MPP4: variants seen among roughly 807,000 people sequenced by gnomAD.
The protein encoded by MPP4 is MAGUK p55 scaffold protein 4.
MPP4 carries 91 observed loss-of-function variants against 98.3 expected under a neutral mutation model. The observed-to-expected ratio is 0.93, with a 90% CI of 0.78 to 1.10. MPP4 has a LOEUF of 1.10. Among genes scored for constraint, MPP4 ranks in the 50% least tolerant of loss-of-function variants. MPP4 has a pLI of 0.00. For missense variants in MPP4, 744 were observed against 792.9 expected, an observed-to-expected ratio of 0.94 and a Z score of 0.74; for synonymous variants, 261 against 271.8, an observed-to-expected ratio of 0.96 and a Z score of 0.39.
At chr2:201,667,895 A>T (rs142168521) in intron 12 of MPP4, among the ~76,000 whole-genome samples, 1 of 152,314 alleles carries the variant, frequency 6.6e-6, no homozygotes, top group East Asian at 1.9e-4. Flanking sequence ...GACACAGATA[A>T]ACGAGTGGCA....
intron 10 of MPP4, among the ~76,000 whole-genome samples, chr2:201,677,299 G>GAGTCACT (rs1688532001): frequency 4.6e-5 from 7 of 152,070 alleles, no homozygotes; most frequent in Non-Finnish European, 5.9e-5. Context: ...CCAGCGAATG[G>GAGTCACT]GGCCTCTCAC....
chr2:201,664,391 C>G (rs1688109674), intron 13 of MPP4: 1 of 1,320,942 alleles, frequency 7.6e-7, no homozygotes, highest in Admixed American at 2.3e-5. Flanking sequence ...AAAAGCAGCT[C>G]AGAGGGAAGG....
In MPP4 at chr2:201,687,179, C is replaced by A; in HGVS notation, c.360+112G>T. ...CAATCTGTTGGTCAGTAACCGTGTA[C>A]AGTAATAGAACATCTATTCAGAGAG... On this transcript the variant is annotated intron_variant, in intron 5 of 21. Coordinates refer to ENST00000409474, the MANE Select transcript of MPP4 (RefSeq NM_033066.3). 3 of 867,996 alleles carry A rather than the reference C, an allele frequency of 3.5e-6. No homozygotes were observed. The East Asian group carries it at 8.0e-5, about 23-fold the overall frequency. 53.8% of individuals were successfully genotyped at this position (867,996 alleles called of 1,614,324 possible).
intron 11 of MPP4, among the ~76,000 whole-genome samples, chr2:201,672,949 A>G (rs900299816): frequency 1.3e-5 from 2 of 152,216 alleles, no homozygotes; most frequent in African/African-American, 2.4e-5. Flanking sequence ...CGTGATGAAC[A>G]TCGATGGGAA....
chr2:201,680,327 C>G (rs1688629114), intron 10 of MPP4: 1 of 149,324 alleles, frequency 6.7e-6, no homozygotes. Flanking sequence ...AGTCCAAGAT[C>G]AAGGAGCCAG....
chr2:201,666,368 A>T lies in MPP4; in HGVS notation c.1017T>A (p.Asp339Glu). 3 of 1,552,514 alleles carry T rather than the reference A, an allele frequency of 1.9e-6. No individual in the cohort carries two copies. Among genetic ancestry groups the T allele is most frequent in the Non-Finnish European group, 2.6e-6 (3 of 1,148,190 alleles). ...STLSISMEEEDDMKIDEKCVE... is the reference protein window; with the variant it reads ...STLSISMEEEEDMKIDEKCVE... ...CACATTTCTCATCAATCTTCATGTC[A>T]TCTTCTATAAAAGAGTATAGAAAGG... is the stretch of plus-strand genomic sequence containing the variant. Residue 339 changes from aspartate to glutamate, a missense_variant, in exon 13 of 22, where the codon GAT becomes GAA. Transcript: ENST00000409474.
rs1401474497 is a variant in MPP4 at position 201,693,921 on chromosome 2, C to G, written c.34G>C (p.Asp12His). Residue 12 changes from aspartate to histidine, a missense_variant, in exon 2 of 22, where the codon GAC (aspartate) becomes CAC (histidine). Coordinates refer to ENST00000409474, the MANE Select transcript of MPP4 (RefSeq NM_033066.3). ...IQSDKGADPP[D>H]KKDMKLSTAT... ...GTAGAAAGCTTCATGTCCTTCTTGTCTGGTGGATCTGCTCCTTTGTCTGAC... is the reference window on the plus strand; with the variant it reads ...GTAGAAAGCTTCATGTCCTTCTTGTGTGGTGGATCTGCTCCTTTGTCTGAC... The G allele has an allele frequency of 1.2e-6, 2 of 1,613,998 alleles. No homozygotes were observed. The highest frequency in any genetic ancestry group is 1.7e-6 in the Non-Finnish European group (2 of 1,179,866).
At chr2:201,696,435 G>A (rs1051926552) in intron 1 of MPP4, among the ~76,000 whole-genome samples, 5 of 152,206 alleles carry the variant, frequency 3.3e-5, no homozygotes, top group Admixed American at 3.3e-4. Flanking sequence ...GCAGACAGAT[G>A]AGGCTGACAC....
intron 12 of MPP4, 53 bp from the exon 13 acceptor site, chr2:201,666,425 A>C (rs966848979): frequency 7.0e-7 from 1 of 1,427,344 alleles, no homozygotes; most frequent in Non-Finnish European, 9.4e-7. Context: ...GTCTGCATTA[A>C]AAAGAAAATT....
At chr2:201,669,839 T>G in intron 11 of MPP4, 89 bp from the exon 12 acceptor site, 1 of 1,043,278 alleles carries the variant, frequency 9.6e-7, no homozygotes, top group Non-Finnish European at 1.3e-6. Flanking sequence ...CAATAAGAAA[T>G]GTAATGTGCA....
At chr2:201,696,369 G>T (rs146389437) in intron 1 of MPP4, among the ~76,000 whole-genome samples, 1 of 152,100 alleles carries the variant, frequency 6.6e-6, no homozygotes, top group Non-Finnish European at 1.5e-5. Flanking sequence ...GCACTTCCAG[G>T]GTAGAAAATT....
intron 12 of MPP4, among the ~76,000 whole-genome samples, chr2:201,668,278 C>T (rs549785026): frequency 6.6e-6 from 1 of 152,172 alleles, no homozygotes; most frequent in East Asian, 1.9e-4. Flanking sequence ...ATTGTGTTCC[C>T]CCCAGTATTC....
At chr2:201,683,031 A>G (rs2105940407) in intron 7 of MPP4, 115 bp from the exon 8 acceptor site, 1 of 665,598 alleles carries the variant, frequency 1.5e-6, no homozygotes, top group East Asian at 2.8e-5. Context: ...AAAAATGTTT[A>G]ATATAAAATA....
At position 201,645,168 on chromosome 2, in the gene MPP4, TC is replaced by T. The variant is rs528562608; in HGVS notation, c.*41del. 2.9e-4 allele frequency: 446 copies of T among 1,518,558 alleles called. 4 individuals carry two copies. In the African/African-American group the frequency reaches 5.5e-3, roughly 19 times the overall value. The allele number at this position is 1,518,558 out of a possible 1,614,324, so 94.1% of individuals were successfully genotyped here. ...TAGATTGCAACTATGGATCGCTGTATCAAGGGTACAGTGTTAAAACTCCAGC... is the reference window on the plus strand; with the variant it reads ...TAGATTGCAACTATGGATCGCTGTATAAGGGTACAGTGTTAAAACTCCAGC... On this transcript the variant is annotated 3_prime_UTR_variant, in exon 22 of 22. Coordinates refer to ENST00000409474, the MANE Select transcript of MPP4 (RefSeq NM_033066.3).
intron 1 of MPP4, 41 bp downstream of exon 1, chr2:201,698,546 C>A (rs746521703): frequency 7.7e-7 from 1 of 1,297,284 alleles, no homozygotes. Flanking sequence ...GTTATGGATA[C>A]ATCTTCTGGT....
intron 11 of MPP4, 183 bp downstream of exon 11, chr2:201,675,024 G>A (rs546493131): frequency 2.2e-4 from 164 of 737,664 alleles, no homozygotes; most frequent in Middle Eastern, 7.2e-4. Context: ...CCACCCCCAC[G>A]CCCTCCCCAA....
At chr2:201,684,520 A>G (rs921073024) in intron 7 of MPP4, among the ~76,000 whole-genome samples, 5 of 152,208 alleles carry the variant, frequency 3.3e-5, no homozygotes, top group African/African-American at 1.2e-4. Flanking sequence ...AAACTGAGAG[A>G]CTTTAATGTG....
chr2:201,693,456 T>A lies in MPP4; in HGVS notation c.79+420A>T, dbSNP rs183828468. Among the ~76,000 whole-genome samples the A allele has an allele frequency of 7.0e-3, 1,060 of 152,258 alleles. 6 individuals are homozygous for A. The highest frequency in any genetic ancestry group is 0.012 in the Non-Finnish European group (793 of 68,012). On this transcript the variant is annotated intron_variant, in intron 2 of 21. Transcript: ENST00000409474. ...AGAGTCATTTCATCCTCTCAAAAAA[T>A]TCTTATTGAGAGTGATATTGAAAAA...
intron 16 of MPP4, 123 bp downstream of exon 16, chr2:201,658,354 A>G: frequency 1.3e-6 from 1 of 746,294 alleles, no homozygotes; most frequent in Non-Finnish European, 2.2e-6. Flanking sequence ...AAGAAAAGGA[A>G]ACTAGAATGA....
Sources: gnomAD v4.1 joint callset for allele counts (sites outside exome capture counted in the v4.1 genomes callset) on GRCh38, gnomAD v4.1.1 for gene constraint, MANE v1.5 for transcripts, NCBI Gene and HGNC (gene_info 2026-07-23, HGNC 2026-07-21) for gene names.